The following PTPN21 variants were observed in gnomAD, a reference collection of about 807,000 sequenced individuals.
PTPN21 encodes protein tyrosine phosphatase non-receptor type 21.
Under a neutral mutation model 131.8 loss-of-function variants are expected in PTPN21, and 77 were observed. The ratio of observed to expected loss-of-function variants is 0.58; its 90% CI spans 0.49 to 0.71. PTPN21 has a LOEUF of 0.71. PTPN21 is among the 30% of genes least tolerant of loss of function. The pLI is 0.00. For synonymous variants in PTPN21, 715 were observed against 621.3 expected (o/e 1.15, Z -2.24); for missense variants, 1,552 against 1,527.1 (o/e 1.02, Z -0.27).
chr14:88,552,758 T>A (rs2078885296), intron 1 of PTPN21, among the ~76,000 whole-genome samples: 1 of 152,220 alleles, frequency 6.6e-6, no homozygotes, highest in Non-Finnish European at 1.5e-5. Context: ...CAATGCTCTT[T>A]GCTGTTTCAG....
At chr14:88,545,303 T>C (rs532111173) in intron 2 of PTPN21, among the ~76,000 whole-genome samples, 3 of 152,316 alleles carry the variant, frequency 2.0e-5, no homozygotes, top group African/African-American at 7.2e-5. Flanking sequence ...TGCTTATAAA[T>C]TACTAAACTT....
In PTPN21 at chr14:88,504,464, T is replaced by G; in HGVS notation, c.548A>C (p.Glu183Ala). The G allele has an allele frequency of 6.2e-7, 1 of 1,613,114 alleles. No homozygotes were observed. Among genetic ancestry groups the G allele is most frequent in the East Asian group, 2.2e-5 (1 of 44,838 alleles). ...GWLQDEKVLE[E>A]ATQKVALLHQ... ...TAGTAAGGCCACTTTTTGGGTTGCT[T>G]CTTCCAATACTTTTTCATCTTGTAA... The change falls in exon 6 of 19, where the codon GAA becomes GCA. Residue 183 changes from glutamate (E) to alanine (A), a missense_variant. This residue lies in a region of PTPN21 where 206 missense variants were observed against 221.6 expected (regional missense o/e 0.93). Transcript: ENST00000556564.
intron 2 of PTPN21, among the ~76,000 whole-genome samples, chr14:88,522,534 T>G (rs1457180419): frequency 6.6e-6 from 1 of 152,136 alleles, no homozygotes; most frequent in Non-Finnish European, 1.5e-5. Flanking sequence ...AATATTGACT[T>G]TGTAGCTTGT....
rs369022409 is a variant in PTPN21 at position 88,477,446 on chromosome 14, T to TC, written c.2511+1473_2511+1474insG. 4.7e-4 allele frequency among the ~76,000 whole-genome samples: 36 copies of TC among 76,370 alleles called. 2 individuals carry two copies. Among genetic ancestry groups the TC allele is most frequent in the South Asian group, 1.4e-3 (2 of 1,458 alleles). 50.1% of individuals were successfully genotyped at this position (76,370 alleles called of 152,430 possible). ...CCTGGGCAACAGGGCAAGACTGTTC[T>TC]AAAAAAAAAAAAAAAAAAAAAAAAG... is the stretch of plus-strand genomic sequence containing the variant. On this transcript the variant is annotated intron_variant, in intron 13 of 18. Coordinates refer to ENST00000556564, the MANE Select transcript of PTPN21 (RefSeq NM_007039.4).
At chr14:88,514,296 A>G (rs2078228889) in intron 3 of PTPN21, among the ~76,000 whole-genome samples, 1 of 152,116 alleles carries the variant, frequency 6.6e-6, no homozygotes, top group Non-Finnish European at 1.5e-5. Flanking sequence ...AGCTTTTCTA[A>G]TTCAGATTTA....
At chr14:88,549,681 C>T (rs751124810) in intron 2 of PTPN21, among the ~76,000 whole-genome samples, 9 of 152,102 alleles carry the variant, frequency 5.9e-5, no homozygotes, top group Non-Finnish European at 1.0e-4. Flanking sequence ...TCACTGCAAC[C>T]TCCACCTCCT....
intron 6 of PTPN21, 128 bp downstream of exon 6, chr14:88,504,297 G>T (rs1159872108): frequency 1.3e-5 from 9 of 710,772 alleles, no homozygotes; most frequent in Non-Finnish European, 2.2e-5. Flanking sequence ...AATAGTAGTG[G>T]CAGTAATGTT....
intron 15 of PTPN21, 172 bp from the exon 16 acceptor site, chr14:88,470,222 GAA>G: frequency 6.3e-6 from 4 of 637,298 alleles, no homozygotes; most frequent in Non-Finnish European, 8.0e-6. Flanking sequence ...TTTCCCTTGT[GAA>G]TACAATTTGC....
At chr14:88,488,650 A>G (rs1031192461) in intron 10 of PTPN21, among the ~76,000 whole-genome samples, 1 of 152,110 alleles carries the variant, frequency 6.6e-6, no homozygotes, top group Non-Finnish European at 1.5e-5. Context: ...AGAAGACAAA[A>G]TAAAAATTAA....
At position 88,469,425 on chromosome 14, in the gene PTPN21, G is replaced by T; in HGVS notation, c.3235+74C>A. ...TGAGATAACATAAAGGAAATATTTC[G>T]GAAACATAAATGTTCCTCTCTGTTT... On this transcript the variant is annotated intron_variant, in intron 17 of 18. Transcript: ENST00000556564. The surrounding 1 kb of genome is among the most constrained non-coding windows in gnomAD (Gnocchi z 4.3). 7.8e-7 allele frequency: 1 copy of T among 1,279,564 alleles called. No homozygotes were observed. Among genetic ancestry groups the T allele is most frequent in the Non-Finnish European group, 1.1e-6 (1 of 891,098 alleles). The allele number at this position is 1,279,564 out of a possible 1,614,324, so 79.3% of individuals were successfully genotyped here. A position where few individuals can be genotyped will look rare whatever the true frequency, so the allele number is the denominator to read the frequency against.
chr14:88,531,714 A>G (rs2078557680), intron 2 of PTPN21, among the ~76,000 whole-genome samples: 1 of 152,218 alleles, frequency 6.6e-6, no homozygotes, highest in Non-Finnish European at 1.5e-5. Flanking sequence ...TCAAGGAACT[A>G]GAGAAACAAG....
chr14:88,475,897 T>C lies in PTPN21; in HGVS notation c.2512-2095A>G, dbSNP rs536947429. On this transcript the variant is annotated intron_variant, in intron 13 of 18. Coordinates refer to ENST00000556564, the MANE Select transcript of PTPN21 (RefSeq NM_007039.4). ...TTCAAAAGCCAGTATTGGAAGAATG[T>C]TGTATGTAGTCAAAACTAGCCTTGA... Among the ~76,000 whole-genome samples the C allele has an allele frequency of 2.6e-5, 4 of 152,328 alleles. No homozygotes were observed. The East Asian group carries it at 7.7e-4, about 29-fold the overall frequency.
chr14:88,516,741 T>C (rs968989699), intron 3 of PTPN21, among the ~76,000 whole-genome samples: 2 of 152,206 alleles, frequency 1.3e-5, no homozygotes, highest in Non-Finnish European at 2.9e-5. Context: ...TGAAGACAGA[T>C]TTTGTAACTA....
chr14:88,533,642 G>A (rs770925593), intron 2 of PTPN21, among the ~76,000 whole-genome samples: 1 of 152,116 alleles, frequency 6.6e-6, no homozygotes, highest in Non-Finnish European at 1.5e-5. Flanking sequence ...CAGTGCTTTG[G>A]GAGACTGAGG....
intron 2 of PTPN21, among the ~76,000 whole-genome samples, chr14:88,546,405 A>AAC (rs2078780564): frequency 6.6e-6 from 1 of 151,182 alleles, no homozygotes; most frequent in Admixed American, 6.6e-5. Context: ...TTAAAAAAAA[A>AAC]AAAAATACAA....
At chr14:88,494,008 T>C (rs2077865880) in intron 10 of PTPN21, among the ~76,000 whole-genome samples, 1 of 152,122 alleles carries the variant, frequency 6.6e-6, no homozygotes, top group Non-Finnish European at 1.5e-5. Flanking sequence ...AGAGCTAACC[T>C]GCTGGCAGGG....
chr14:88,494,437 G>A (rs935402937), intron 10 of PTPN21, among the ~76,000 whole-genome samples: 3 of 152,068 alleles, frequency 2.0e-5, no homozygotes, highest in African/African-American at 7.2e-5. Context: ...AGAGGCCGGG[G>A]CAGGAGGATT....
intron 10 of PTPN21, among the ~76,000 whole-genome samples, chr14:88,491,012 T>C (rs532563822): frequency 2.6e-5 from 4 of 152,274 alleles, no homozygotes; most frequent in African/African-American, 9.6e-5. Flanking sequence ...TGAGAGACAG[T>C]GGGTTTGAAG....
At chr14:88,535,807 G>A (rs2078622660) in intron 2 of PTPN21, among the ~76,000 whole-genome samples, 1 of 152,226 alleles carries the variant, frequency 6.6e-6, no homozygotes, top group Admixed American at 6.5e-5. Flanking sequence ...CCATGTGCCT[G>A]AAATTTTAAC....
Sources: allele counts gnomAD v4.1 joint callset (sites outside exome capture counted in the v4.1 genomes callset), GRCh38; gene constraint gnomAD v4.1.1; regional missense constraint gnomAD v4.1.1; non-coding constraint Gnocchi (gnomAD v3.1); transcripts MANE v1.5; gene names NCBI Gene and HGNC (gene_info 2026-07-23, HGNC 2026-07-21).